LRP1B: variants seen among roughly 807,000 people sequenced by gnomAD.
The protein encoded by LRP1B is low-density lipoprotein receptor-related protein 1B.
In LRP1B, 217 loss-of-function variants were observed where a neutral mutation model predicts 556.6. The ratio of observed to expected loss-of-function variants is 0.39; its 90% CI spans 0.35 to 0.44. The LOEUF is 0.44. Among genes scored for constraint, LRP1B ranks in the 20% least tolerant of loss-of-function variants. LRP1B has a pLI of 1.00. For synonymous variants in LRP1B, 2,047 were observed against 1,865.8 expected (o/e 1.10, Z -2.50); for missense variants, 5,053 against 5,620.8 (o/e 0.90, Z 3.23).
At position 141,901,737 on chromosome 2, in the gene LRP1B, AT is replaced by A. The variant is rs200964142; in HGVS notation, c.83-91337del. Among the ~76,000 whole-genome samples the A allele has an allele frequency of 5.9e-3, 890 of 152,048 alleles. 4 individuals carry two copies. The highest frequency in any genetic ancestry group is 0.019 in the African/African-American group (800 of 41,532). On this transcript the variant is annotated intron_variant, in intron 1 of 90. Coordinates refer to ENST00000389484, the MANE Select transcript of LRP1B (RefSeq NM_018557.3). ...CATTATTTGGATGATTAAAATTAGTATTCATTATGTTTATAATGCAGCAAGA... is the reference window on the plus strand; with the variant it reads ...CATTATTTGGATGATTAAAATTAGTATCATTATGTTTATAATGCAGCAAGA...
intron 3 of LRP1B, among the ~76,000 whole-genome samples, chr2:141,278,446 T>C (rs1420957116): frequency 6.6e-6 from 1 of 152,178 alleles, no homozygotes; most frequent in Non-Finnish European, 1.5e-5. Context: ...TAGAAACCTG[T>C]TCACTTTGGC....
chr2:140,918,334 G>A (rs1375572619), intron 21 of LRP1B, among the ~76,000 whole-genome samples: 1 of 151,876 alleles, frequency 6.6e-6, no homozygotes, highest in African/African-American at 2.4e-5. Context: ...ACATGGAAGA[G>A]TATATATGTA....
At chr2:142,102,725 A>C (rs531657597) in intron 1 of LRP1B, among the ~76,000 whole-genome samples, 1 of 151,984 alleles carries the variant, frequency 6.6e-6, no homozygotes, top group African/African-American at 2.4e-5. Flanking sequence ...ACATATATAA[A>C]AAAATTGTCT....
At chr2:141,321,876 A>G (rs1687256203) in intron 3 of LRP1B, among the ~76,000 whole-genome samples, 1 of 152,108 alleles carries the variant, frequency 6.6e-6, no homozygotes, top group Non-Finnish European at 1.5e-5. Flanking sequence ...TATATTTGAT[A>G]AGGAAGGATA....
intron 86 of LRP1B, among the ~76,000 whole-genome samples, chr2:140,266,883 C>T (rs891306717): frequency 6.6e-6 from 1 of 151,924 alleles, no homozygotes; most frequent in African/African-American, 2.4e-5. Flanking sequence ...ATTCATCTTC[C>T]TAAAATGAAT....
chr2:140,341,375 T>C (rs972400327), intron 77 of LRP1B, among the ~76,000 whole-genome samples: 9 of 151,518 alleles, frequency 5.9e-5, no homozygotes, highest in African/African-American at 1.7e-4. Context: ...GGCTACTTTC[T>C]AGGCATAAAA....
chr2:142,072,641 T>C (rs1343780357), intron 1 of LRP1B, among the ~76,000 whole-genome samples: 3 of 152,004 alleles, frequency 2.0e-5, no homozygotes, highest in South Asian at 4.1e-4. Context: ...TAGTGTATTT[T>C]GTATGTGGCC....
chr2:140,773,396 G>A (rs944467984), intron 33 of LRP1B, among the ~76,000 whole-genome samples: 7 of 151,986 alleles, frequency 4.6e-5, no homozygotes, highest in African/African-American at 1.7e-4. Flanking sequence ...TTGAACCCAG[G>A]AGACAGAAGT....
At chr2:140,854,581 T>C (rs1340452704) in intron 27 of LRP1B, among the ~76,000 whole-genome samples, 2 of 152,212 alleles carry the variant, frequency 1.3e-5, no homozygotes, top group Non-Finnish European at 2.9e-5. Flanking sequence ...AAAAATACTG[T>C]TCATAATACT....
At chr2:141,173,457 A>T (rs937986158) in intron 7 of LRP1B, among the ~76,000 whole-genome samples, 1 of 152,096 alleles carries the variant, frequency 6.6e-6, no homozygotes, top group Non-Finnish European at 1.5e-5. Context: ...ACCCACCTCC[A>T]GATTGTGGGA....
intron 2 of LRP1B, among the ~76,000 whole-genome samples, chr2:141,643,844 T>G (rs1464217944): frequency 6.6e-6 from 1 of 152,122 alleles, no homozygotes; most frequent in African/African-American, 2.4e-5. Flanking sequence ...CTTCTCTAAT[T>G]CTTAGCAGCA....
rs1687196408 is a variant in LRP1B at position 141,320,453 on chromosome 2, G to A, written c.344-65812C>T. Among the ~76,000 whole-genome samples, 3 of 151,980 alleles carry A rather than the reference G, an allele frequency of 2.0e-5. No homozygotes were observed. The South Asian group carries it at 6.2e-4, about 32-fold the overall frequency. On this transcript the variant is annotated intron_variant, in intron 3 of 90. Coordinates refer to ENST00000389484, the MANE Select transcript of LRP1B (RefSeq NM_018557.3). ...ATCTTACGGAGTACGGGCGGTGAGG[G>A]GAGAAAAGAAAGCGTGCTGTAAAAT...
intron 66 of LRP1B, among the ~76,000 whole-genome samples, chr2:140,426,774 G>A (rs1685673832): frequency 6.6e-6 from 1 of 152,168 alleles, no homozygotes; most frequent in Non-Finnish European, 1.5e-5. Context: ...AAGCCTGTTT[G>A]GTGGTCTCTT....
chr2:141,857,301 C>T (rs890226263), intron 1 of LRP1B, among the ~76,000 whole-genome samples: 1 of 151,686 alleles, frequency 6.6e-6, no homozygotes, highest in African/African-American at 2.4e-5. Flanking sequence ...CAGTTGATTC[C>T]TAGCTTTCAT....
intron 20 of LRP1B, among the ~76,000 whole-genome samples, chr2:140,933,091 G>A (rs1489877340): frequency 6.6e-6 from 1 of 151,822 alleles, no homozygotes; most frequent in Non-Finnish European, 1.5e-5. Context: ...TGTACATTAT[G>A]GCGATACATT....
At chr2:141,827,964 A>G (rs1008040022) in intron 1 of LRP1B, among the ~76,000 whole-genome samples, 6 of 152,030 alleles carry the variant, frequency 3.9e-5, no homozygotes, top group African/African-American at 1.4e-4. Context: ...AATCCAGAGA[A>G]TTGACAACAG....
chr2:141,621,641 C>T (rs777331239), intron 2 of LRP1B, among the ~76,000 whole-genome samples: 5 of 152,040 alleles, frequency 3.3e-5, no homozygotes, highest in Admixed American at 6.6e-5. Context: ...AACCTTAATA[C>T]ATTTAAATAT....
rs1443546324 is a variant in LRP1B at position 140,770,983 on chromosome 2, T to G, written c.5524A>C (p.Asn1842His). ...QQGSNSCQLNNGGCSQLCLPT... is the reference protein window; with the variant it reads ...QQGSNSCQLNHGGCSQLCLPT... ...AAACAAAGTTGAGAGCATCCACCAT[T>G]GTTTAGTTGGCAGGAATTGCTGCCT... Residue 1842 changes from asparagine to histidine, a missense_variant, in exon 34 of 91, where the codon AAT (asparagine) becomes CAT (histidine). Asn to His is a moderately conservative substitution (Grantham distance 68, BLOSUM62 1). Transcript: ENST00000389484. 1 of 1,580,528 alleles carries G rather than the reference T, an allele frequency of 6.3e-7. No individual in the cohort carries two copies. The highest frequency in any genetic ancestry group is 1.9e-5 in the Admixed American group (1 of 52,724).
At chr2:140,441,676 AAC>A (rs767865896) in intron 66 of LRP1B, among the ~76,000 whole-genome samples, 4 of 152,198 alleles carry the variant, frequency 2.6e-5, no homozygotes, top group Non-Finnish European at 5.9e-5. Flanking sequence ...AAATGCATTT[AAC>A]ACACTTCTGT....
Sources: gnomAD v4.1 joint callset for allele counts (sites outside exome capture counted in the v4.1 genomes callset) on GRCh38, gnomAD v4.1.1 for gene constraint, MANE v1.5 for transcripts, NCBI Gene and HGNC (gene_info 2026-07-23, HGNC 2026-07-21) for gene names.